GUCY2F: variants seen among roughly 807,000 people sequenced by gnomAD.
GUCY2F encodes the protein guanylate cyclase 2F, retinal, also known as retinal guanylyl cyclase 2.
A neutral mutation model predicts 73.1 loss-of-function variants in GUCY2F; 61 were observed. The ratio of observed to expected loss-of-function variants is 0.83; its 90% CI spans 0.68 to 1.03. The LOEUF is 1.03. Among genes scored for constraint, GUCY2F ranks in the 50% least tolerant of loss-of-function variants. The pLI, the probability that GUCY2F is intolerant of heterozygous loss-of-function variation, is 0.00. For synonymous variants in GUCY2F, 331 were observed against 307.8 expected (o/e 1.08, Z -0.79); for missense variants, 912 against 854.3 (o/e 1.07, Z -0.84).
intron 7 of GUCY2F, among the ~76,000 whole-genome samples, chrX:109,433,239 T>C (rs1413654959): frequency 8.9e-6 from 1 of 112,412 alleles, no homozygotes; most frequent in Non-Finnish European, 1.9e-5. Context: ...GCCTTCTGTC[T>C]GGCTTATTAA....
intron 1 of GUCY2F, among the ~76,000 whole-genome samples, chrX:109,480,628 G>A (rs1053984495): frequency 1.8e-5 from 2 of 110,904 alleles, no homozygotes; most frequent in African/African-American, 6.6e-5. Context: ...CATACAACAC[G>A]GGTCCCTCCT....
intron 7 of GUCY2F, among the ~76,000 whole-genome samples, chrX:109,433,289 C>T (rs190629366): frequency 5.4e-5 from 6 of 111,819 alleles, no homozygotes; most frequent in Non-Finnish European, 9.4e-5. Context: ...CATGCCAAAT[C>T]AACAACTGTG....
intron 8 of GUCY2F, among the ~76,000 whole-genome samples, chrX:109,426,632 G>A (rs1031292458): frequency 7.2e-5 from 8 of 111,432 alleles, no homozygotes; most frequent in Non-Finnish European, 1.1e-4. Context: ...CTTGTGATCC[G>A]CCCGCCTCGG....
chrX:109,464,283 TC>T (rs1340503257), intron 3 of GUCY2F, among the ~76,000 whole-genome samples: 1 of 111,979 alleles, frequency 8.9e-6, no homozygotes, highest in Non-Finnish European at 1.9e-5. Flanking sequence ...TTTCTTCCCC[TC>T]CTCACTCCTT....
Position 109,398,691 on chromosome X carries a change from C to A in GUCY2F, c.2133G>T (p.Leu711=). 1 of 1,208,248 alleles carries A rather than the reference C, an allele frequency of 8.3e-7. No homozygotes were observed. Among genetic ancestry groups the A allele is most frequent in the East Asian group, 3.0e-5 (1 of 33,799 alleles). ...CTCTCAACAGTTCAGGGGCCGTCCA[C>A]AGCAGCTCTAAAAAGAAAGCATTGT... ...SEEESSMEEL[L]WTAPELLRAP... is the part of the protein sequence containing the mutation. Residue 711 remains leucine (L), a synonymous_variant, in exon 11 of 20, where the codon CTG becomes CTT. Transcript: ENST00000218006.
chrX:109,411,014 C>T (rs1436901423), intron 8 of GUCY2F, among the ~76,000 whole-genome samples: 17 of 110,103 alleles, frequency 1.5e-4, no homozygotes, highest in Non-Finnish European at 1.9e-5. Flanking sequence ...TGTGGGCACT[C>T]AATAATTATC....
At chrX:109,397,698 C>T (rs1930742084) in intron 11 of GUCY2F, among the ~76,000 whole-genome samples, 1 of 112,136 alleles carries the variant, frequency 8.9e-6, no homozygotes, top group African/African-American at 3.2e-5. Flanking sequence ...GTCTTTGTCT[C>T]TTTCAGTCTG....
At chrX:109,481,136 AT>A (rs1932763666) in intron 1 of GUCY2F, among the ~76,000 whole-genome samples, 1 of 101,133 alleles carries the variant, frequency 9.9e-6, no homozygotes, top group African/African-American at 3.6e-5. Context: ...AAGGGGCAAG[AT>A]AGGGGGAGGA....
chrX:109,453,929 C>T (rs1211307757), intron 3 of GUCY2F, 70 bp from the exon 4 acceptor site: 4 of 578,647 alleles, frequency 6.9e-6, no homozygotes, highest in African/African-American at 4.7e-5. Flanking sequence ...TATTCCAAGC[C>T]TGTGTTCATT....
chrX:109,475,173 T>C, intron 2 of GUCY2F, 34 bp downstream of exon 2: 1 of 1,172,354 alleles, frequency 8.5e-7, no homozygotes, highest in South Asian at 1.9e-5. Flanking sequence ...TTCCCTGAAG[T>C]CACGTTTAAA....
At chrX:109,474,810 C>T (rs917858243) in intron 2 of GUCY2F, among the ~76,000 whole-genome samples, 11 of 111,605 alleles carry the variant, frequency 9.9e-5, no homozygotes, top group Non-Finnish European at 1.9e-4. Context: ...GTAAATCTCT[C>T]CTCAGTGACT....
chrX:109,414,592 C>G (rs1340881644), intron 8 of GUCY2F, among the ~76,000 whole-genome samples: 1 of 112,000 alleles, frequency 8.9e-6, no homozygotes, highest in Non-Finnish European at 1.9e-5. Flanking sequence ...GGTTTCTGAC[C>G]TCTTGTTTTA....
At chrX:109,445,115 C>T (rs1048076519) in intron 6 of GUCY2F, among the ~76,000 whole-genome samples, 3 of 111,650 alleles carry the variant, frequency 2.7e-5, no homozygotes, top group African/African-American at 9.8e-5. Flanking sequence ...CTGTAATCCT[C>T]TTGAAATCTG....
chrX:109,428,747 C>T (rs1440049853), intron 8 of GUCY2F, among the ~76,000 whole-genome samples: 1 of 111,669 alleles, frequency 9.0e-6, no homozygotes, highest in Non-Finnish European at 1.9e-5. Flanking sequence ...GGTAAAAGGG[C>T]ATAGGGTCTA....
At chrX:109,434,541 T>C (rs1343795452) in intron 7 of GUCY2F, among the ~76,000 whole-genome samples, 1 of 110,480 alleles carries the variant, frequency 9.1e-6, no homozygotes, top group Non-Finnish European at 1.9e-5. Flanking sequence ...ACAATTCTTA[T>C]GAAAATTTAA....
At chrX:109,424,363 T>A (rs1051127447) in intron 8 of GUCY2F, among the ~76,000 whole-genome samples, 2 of 111,107 alleles carry the variant, frequency 1.8e-5, no homozygotes, top group African/African-American at 6.5e-5. Context: ...GATTTGAGAG[T>A]GGATGTGATT....
chrX:109,423,223 G>A (rs1931407700), intron 8 of GUCY2F, among the ~76,000 whole-genome samples: 1 of 111,703 alleles, frequency 9.0e-6, no homozygotes, highest in African/African-American at 3.2e-5. Context: ...TTCTGTTGTT[G>A]TTTTCTTTTG....
At chrX:109,441,524 C>T (rs1320396182) in intron 6 of GUCY2F, 42 bp from the exon 7 acceptor site, 2 of 1,010,858 alleles carry the variant, frequency 2.0e-6, no homozygotes, top group East Asian at 6.5e-5. Flanking sequence ...CCAAAATACT[C>T]ATGATTTGGC....
At chrX:109,414,726 G>A (rs1176415921) in intron 8 of GUCY2F, among the ~76,000 whole-genome samples, 1 of 111,895 alleles carries the variant, frequency 8.9e-6, no homozygotes. Flanking sequence ...CAGGCTTCAT[G>A]GGAAGTAAGA....
Sources: gnomAD v4.1 joint callset for allele counts (sites outside exome capture counted in the v4.1 genomes callset) on GRCh38, gnomAD v4.1.1 for gene constraint, MANE v1.5 for transcripts, NCBI Gene and HGNC (gene_info 2026-07-23, HGNC 2026-07-21) for gene names.